The following HADHA variants were observed in gnomAD, a reference collection of about 807,000 sequenced individuals.
The protein encoded by HADHA is trifunctional enzyme subunit alpha, mitochondrial.
A neutral mutation model predicts 91.3 loss-of-function variants in HADHA; 59 were observed. That is an observed-to-expected ratio of 0.65 (90% confidence interval 0.52 to 0.80). The LOEUF (loss-of-function observed/expected upper bound fraction) is 0.80, where lower values mean the gene tolerates loss of function less well. HADHA is among the 30% of genes least tolerant of loss of function. The pLI is 0.00. For missense variants in HADHA, 800 were observed against 927.6 expected (o/e 0.86, Z 1.79); for synonymous variants, 320 against 338.9 (o/e 0.94, Z 0.61).
chr2:26,195,919 A>G (rs1122972), intron 14 of HADHA, among the ~76,000 whole-genome samples: 1 of 152,064 alleles, frequency 6.6e-6, no homozygotes, highest in Non-Finnish European at 1.5e-5. Flanking sequence ...TTTCAGAGAA[A>G]CCCCTCATTG....
At chr2:26,212,020 T>TAATAATA (rs1340554116) in intron 10 of HADHA, 7 of 158,520 alleles carry the variant, frequency 4.4e-5, no homozygotes, top group Admixed American at 6.1e-5. Flanking sequence ...TTCCTGCCCT[T>TAATAATA]CGTAGAGACA....
intron 14 of HADHA, among the ~76,000 whole-genome samples, chr2:26,195,935 A>C (rs1020484176): frequency 1.3e-5 from 2 of 152,200 alleles, no homozygotes; most frequent in African/African-American, 4.8e-5. Flanking sequence ...CATTGAGCTA[A>C]CAGTTACATA....
Position 26,214,686 on chromosome 2 carries a change from T to A in HADHA, c.800-125A>T. On this transcript the variant is annotated intron_variant, in intron 8 of 19. Transcript: ENST00000380649. This position sits in a 1 kb window ranked among gnomAD's most constrained non-coding sequence, Gnocchi z 4.1. ...CTGCAAGAACTGCTCTTTATTCTGATACACACAATATAAATTTCAACCTAA... is the reference window on the plus strand; with the variant it reads ...CTGCAAGAACTGCTCTTTATTCTGAAACACACAATATAAATTTCAACCTAA... 2.9e-6 allele frequency: 2 copies of A among 691,336 alleles called. No homozygotes were observed. Among genetic ancestry groups the A allele is most frequent in the Middle Eastern group, 3.2e-4 (1 of 3,160 alleles). The allele number at this position is 691,336 out of a possible 1,614,324, so 42.8% of individuals were successfully genotyped here.
chr2:26,226,327 A>G (rs1670483605), intron 7 of HADHA, among the ~76,000 whole-genome samples: 1 of 152,232 alleles, frequency 6.6e-6, no homozygotes, highest in South Asian at 2.1e-4. Flanking sequence ...CAAAATGATT[A>G]TAAAATTTGT....
intron 4 of HADHA, among the ~76,000 whole-genome samples, chr2:26,236,378 CTCTGTGTGTG>C (rs1670757889): frequency 1.4e-4 from 6 of 41,418 alleles, no homozygotes; most frequent in South Asian, 1.7e-3. Context: ...TATATATATA[CTCTGTGTGTG>C]TGTGTGTGTG....
Position 26,215,149 on chromosome 2 carries a change from G to A in HADHA, c.703C>T (p.Arg235Trp), listed in dbSNP as rs786204607. The A allele has an allele frequency of 2.5e-6, 4 of 1,610,910 alleles. No homozygotes were observed. Among genetic ancestry groups the A allele is most frequent in the East Asian group, 2.2e-5 (1 of 44,854 alleles). ...LGPGLKPPEE[R>W]TIEYLEEVAI... is the part of the protein sequence containing the mutation. ...ACTTCTTCTAGGTATTCTATTGTCC[G>A]TTCCTCTGGAGGTTTTAGTCCTGGT... The change falls in exon 8 of 20, where the codon CGG becomes TGG. Residue 235 changes from arginine to tryptophan, a missense_variant. By Grantham distance (101) the Arg-to-Trp change is moderately radical. Transcript: ENST00000380649.
intron 10 of HADHA, 43 bp from the exon 11 acceptor site, chr2:26,209,932 C>T: frequency 3.0e-6 from 3 of 1,013,008 alleles, no homozygotes; most frequent in Non-Finnish European, 4.7e-6. Context: ...ACTTCACAGT[C>T]TAGGTTATAT....
chr2:26,209,899 A>G lies in HADHA; in HGVS notation c.976-10T>C. ...CAAGCTCTCCAAATTTCTGAAAAGT[A>G]AAGGGGAATGAGAAAAGGTAGAACT... On this transcript the variant is annotated splice_polypyrimidine_tract_variant and intron_variant, in intron 10 of 19. Transcript: ENST00000380649. 2 of 1,356,128 alleles carry G rather than the reference A, an allele frequency of 1.5e-6. No individual in the cohort carries two copies. Among genetic ancestry groups the G allele is most frequent in the Non-Finnish European group, 2.1e-6 (2 of 944,150 alleles). The allele number at this position is 1,356,128 out of a possible 1,614,324, so 84.0% of individuals were successfully genotyped here.
At chr2:26,213,066 C>A (rs773347656) in intron 9 of HADHA, among the ~76,000 whole-genome samples, 1 of 152,124 alleles carries the variant, frequency 6.6e-6, no homozygotes, top group Non-Finnish European at 1.5e-5. Flanking sequence ...AAAAAAATAA[C>A]CCTGTACTTA....
rs1444598631 is a variant in HADHA, at chr2:26,193,666, A to G, written c.1796T>C (p.Val599Ala). ...DEVGVDVAKH[V>A]AEDLGKVFGE... is the part of the protein sequence containing the mutation. ...AAAGACTTTGCCCAGATCTTCCGCC[A>G]CATGTTTCGCTACATCCACACCAAC... The change falls in exon 17 of 20, where the codon GTG (valine) becomes GCG (alanine). Residue 599 changes from valine (V) to alanine (A), a missense_variant. Val to Ala is a moderately conservative substitution (Grantham distance 64). Coordinates refer to ENST00000380649, the MANE Select transcript of HADHA (RefSeq NM_000182.5). 6.2e-7 allele frequency: 1 copy of G among 1,614,018 alleles called. No individual in the cohort carries two copies.
At chr2:26,232,913 A>C in intron 5 of HADHA, among the ~76,000 whole-genome samples, 1 of 132,164 alleles carries the variant, frequency 7.6e-6, no homozygotes, top group Non-Finnish European at 1.6e-5. Context: ...GCAGTCCCCA[A>C]CCTTTTTGAC....
chr2:26,213,785 G>C (rs1181010934), intron 9 of HADHA, among the ~76,000 whole-genome samples: 1 of 152,146 alleles, frequency 6.6e-6, no homozygotes, highest in African/African-American at 2.4e-5. Context: ...GTGAGACGAA[G>C]GCAGGTGGGG....
At chr2:26,225,759 G>T (rs771497341) in intron 7 of HADHA, among the ~76,000 whole-genome samples, 6 of 152,122 alleles carry the variant, frequency 3.9e-5, no homozygotes, top group African/African-American at 7.2e-5. Context: ...ACTTAATACT[G>T]AATGCTTTCC....
intron 1 of HADHA, among the ~76,000 whole-genome samples, chr2:26,242,237 T>C (rs1043376234): frequency 6.6e-6 from 1 of 152,248 alleles, no homozygotes; most frequent in Non-Finnish European, 1.5e-5. Context: ...ATAATCTCAT[T>C]AAATGTTTGG....
At chr2:26,218,370 T>C (rs1670290346) in intron 7 of HADHA, among the ~76,000 whole-genome samples, 1 of 149,682 alleles carries the variant, frequency 6.7e-6, no homozygotes, top group Non-Finnish European at 1.5e-5. Flanking sequence ...AAGTGGGAAA[T>C]AGACTTTGTC....
intron 18 of HADHA, among the ~76,000 whole-genome samples, 183 bp from the exon 19 acceptor site, chr2:26,191,811 CTT>C (rs1558313672): frequency 6.6e-6 from 1 of 152,188 alleles, no homozygotes; most frequent in Non-Finnish European, 1.5e-5. Flanking sequence ...TGGAGAGTAA[CTT>C]GCCCTAATTA....
Position 26,204,187 on chromosome 2 carries a change from A to G in HADHA, c.1095T>C (p.Ala365=). The change falls in exon 12 of 20, where the codon GCT becomes GCC. Residue 365 remains alanine (A), a synonymous_variant. Coordinates refer to ENST00000380649, the MANE Select transcript of HADHA (RefSeq NM_000182.5). The stretch of plus-strand genomic sequence containing the variant: ...CTCCCATCAGCCCTGCACCAAGAAT[A>G]GCCAGATGCCTGCAAGGCAAGGATG... ...GAPQKDVKHL[A]ILGAGLMGAG... The G allele has an allele frequency of 6.2e-7, 1 of 1,614,058 alleles. No individual in the cohort carries two copies. Among genetic ancestry groups the G allele is most frequent in the Non-Finnish European group, 8.5e-7 (1 of 1,179,864 alleles).
rs1382072262 is a variant in HADHA, at chr2:26,215,172, G to A, written c.680C>T (p.Pro227Leu). 1 of 1,612,782 alleles carries A rather than the reference G, an allele frequency of 6.2e-7. No homozygotes were observed. The highest frequency in any genetic ancestry group is 1.3e-5 in the African/African-American group (1 of 74,942). The change falls in exon 8 of 20, where the codon CCA (proline) becomes CTA (leucine). Residue 227 changes from proline to leucine, a missense_variant. Coordinates refer to ENST00000380649, the MANE Select transcript of HADHA (RefSeq NM_000182.5). ...CCGTTCCTCTGGAGGTTTTAGTCCT[G>A]GTCCTATAAAAATGAATGCAACACT... Reference protein sequence around the residue: ...LVDQLVEPLGPGLKPPEERTI... With the variant: ...LVDQLVEPLGLGLKPPEERTI...
chr2:26,193,133 G>C (rs1312586076), intron 17 of HADHA, among the ~76,000 whole-genome samples: 1 of 152,066 alleles, frequency 6.6e-6, no homozygotes, highest in African/African-American at 2.4e-5. Flanking sequence ...CCCGGATGCA[G>C]AGCTTGCTTC....
Sources: gnomAD v4.1 joint callset for allele counts (sites outside exome capture counted in the v4.1 genomes callset) on GRCh38, gnomAD v4.1.1 for gene constraint, Gnocchi (gnomAD v3.1) non-coding constraint, MANE v1.5 for transcripts, NCBI Gene and HGNC (gene_info 2026-07-23, HGNC 2026-07-21) for gene names.